The following ADAMTSL3 variants were observed in gnomAD, a reference collection of about 807,000 sequenced individuals.
ADAMTSL3 encodes the protein ADAMTS-like protein 3.
Under a neutral mutation model 201.7 loss-of-function variants are expected in ADAMTSL3, and 128 were observed. The observed-to-expected ratio is 0.63, with a 90% CI of 0.55 to 0.73. ADAMTSL3 has a LOEUF of 0.73. Ranked by LOEUF, ADAMTSL3 falls within the 30% of genes least tolerant of loss-of-function variation. ADAMTSL3 has a pLI of 0.00. For synonymous variants in ADAMTSL3, 738 were observed against 748.4 expected (o/e 0.99, Z 0.23); for missense variants, 1,990 against 2,119.6 (o/e 0.94, Z 1.20).
At chr15:83,828,009 T>A (rs2064064104) in intron 6 of ADAMTSL3, among the ~76,000 whole-genome samples, 1 of 152,212 alleles carries the variant, frequency 6.6e-6, no homozygotes, top group Non-Finnish European at 1.5e-5. Context: ...AGGCTCTTTT[T>A]TGGTTCCATA....
At chr15:83,655,651 C>A in intron 1 of ADAMTSL3, 78 bp from the exon 2 acceptor site, 1 of 1,050,590 alleles carries the variant, frequency 9.5e-7, no homozygotes, top group Non-Finnish European at 1.4e-6. Context: ...GTCCCTCCAT[C>A]TAATGGGTCG....
rs147187155 is a variant in ADAMTSL3, at chr15:83,817,863, T to C, written c.364-1948T>C. 5.5e-3 allele frequency among the ~76,000 whole-genome samples: 841 copies of C among 152,178 alleles called. 11 individuals carry two copies. Among genetic ancestry groups the C allele is most frequent in the African/African-American group, 0.019 (805 of 41,514 alleles). Reference sequence around the variant, plus strand: ...AAGTTTGAGACCAGCCTGGCCAACATGGTGAAACCCCATCTCTAATAAAAA... The same window carrying C: ...AAGTTTGAGACCAGCCTGGCCAACACGGTGAAACCCCATCTCTAATAAAAA... On this transcript the variant is annotated intron_variant, in intron 5 of 29. Transcript: ENST00000286744.
chr15:84,025,742 C>T (rs2068293900), intron 27 of ADAMTSL3, among the ~76,000 whole-genome samples: 1 of 152,124 alleles, frequency 6.6e-6, no homozygotes, highest in African/African-American at 2.4e-5. Context: ...AGGAGGGGAA[C>T]ATTAGTGGTA....
In ADAMTSL3 at chr15:83,942,605, G is replaced by C; in HGVS notation, c.2127G>C (p.Val709=). The C allele has an allele frequency of 6.2e-7, 1 of 1,612,544 alleles. No homozygotes were observed. ...NTEPCPPRWH[V]GSWGPCSATC... ...TTGTTTTCTGTTTTAGGTGGCATGTGGGCTCTTGGGGGCCCTGCTCAGCTA... is the reference window on the plus strand; with the variant it reads ...TTGTTTTCTGTTTTAGGTGGCATGTCGGCTCTTGGGGGCCCTGCTCAGCTA... Residue 709 remains valine, a synonymous_variant, in exon 18 of 30, where the codon GTG becomes GTC. Coordinates refer to ENST00000286744, the MANE Select transcript of ADAMTSL3 (RefSeq NM_207517.3).
chr15:83,910,244 G>A (rs2065907138), intron 15 of ADAMTSL3, among the ~76,000 whole-genome samples: 1 of 151,678 alleles, frequency 6.6e-6, no homozygotes, highest in Non-Finnish European at 1.5e-5. Context: ...TCTTCCATGT[G>A]CAAAGACGTA....
At chr15:83,814,150 C>A (rs2063736891) in intron 5 of ADAMTSL3, among the ~76,000 whole-genome samples, 1 of 152,100 alleles carries the variant, frequency 6.6e-6, no homozygotes, top group Admixed American at 6.6e-5. Context: ...ATCCCTCATA[C>A]CTGGATCCTA....
At chr15:83,869,812 A>G (rs2141824746) in intron 8 of ADAMTSL3, among the ~76,000 whole-genome samples, 1 of 152,296 alleles carries the variant, frequency 6.6e-6, no homozygotes, top group South Asian at 2.1e-4. Context: ...ATAGAGCTGG[A>G]CCTGAGAGAT....
chr15:83,811,656 G>A lies in ADAMTSL3; in HGVS notation c.363+6961G>A, dbSNP rs536552719. On this transcript the variant is annotated intron_variant, in intron 5 of 29. Coordinates refer to ENST00000286744, the MANE Select transcript of ADAMTSL3 (RefSeq NM_207517.3). ...ATTTATGGTCCCTCTGGGAGAATGC[G>A]GCAGAAATGTTTCTAGGTTGGTAAG... is the stretch of plus-strand genomic sequence containing the variant. Among the ~76,000 whole-genome samples, 7 of 152,266 alleles carry A rather than the reference G, an allele frequency of 4.6e-5. 1 individual carries two copies. Among genetic ancestry groups the A allele is most frequent in the Admixed American group, 2.6e-4 (4 of 15,286 alleles).
At chr15:83,663,892 A>G (rs991905007) in intron 2 of ADAMTSL3, among the ~76,000 whole-genome samples, 1 of 151,860 alleles carries the variant, frequency 6.6e-6, no homozygotes, top group Non-Finnish European at 1.5e-5. Flanking sequence ...TGATCCCGGC[A>G]CTCCTTTTTC....
In ADAMTSL3 at chr15:83,892,814, G is replaced by T; in HGVS notation, c.1393G>T (p.Ala465Ser). 6.2e-7 allele frequency: 1 copy of T among 1,614,046 alleles called. No individual in the cohort carries two copies. The highest frequency in any genetic ancestry group is 8.5e-7 in the Non-Finnish European group (1 of 1,179,994). ...LQVEEWKCMY[A>S]PKPKVMQTCN... ...GGTGGAAGAATGGAAGTGCATGTAC[G>T]CACCCAAACCCAAGGTTATGCAAAC... is the stretch of plus-strand genomic sequence containing the variant. Residue 465 changes from alanine to serine, a missense_variant, in exon 13 of 30, where the codon GCA (alanine) becomes TCA (serine). Physicochemically the swap from Ala to Ser is moderately conservative, Grantham distance 99 (BLOSUM62 1). Coordinates refer to ENST00000286744, the MANE Select transcript of ADAMTSL3 (RefSeq NM_207517.3).
intron 2 of ADAMTSL3, among the ~76,000 whole-genome samples, chr15:83,700,796 A>C (rs1489644834): frequency 6.6e-6 from 1 of 152,166 alleles, no homozygotes; most frequent in African/African-American, 2.4e-5. Context: ...TAAAGTGATG[A>C]TTGAAGCCAG....
intron 19 of ADAMTSL3, among the ~76,000 whole-genome samples, chr15:83,956,679 G>GCA (rs34711242): frequency 0.057 from 8,536 of 148,810 alleles, 600 homozygotes; most frequent in African/African-American, 0.18. Context: ...CACCGCACAG[G>GCA]CACACACACA....
chr15:83,864,146 A>G (rs1402411243), intron 8 of ADAMTSL3, among the ~76,000 whole-genome samples: 1 of 152,240 alleles, frequency 6.6e-6, no homozygotes, highest in Non-Finnish European at 1.5e-5. Context: ...AAAAAAGTCC[A>G]GGACCAGATG....
chr15:83,711,625 G>A (rs929887375), intron 3 of ADAMTSL3, among the ~76,000 whole-genome samples: 1 of 152,236 alleles, frequency 6.6e-6, no homozygotes, highest in African/African-American at 2.4e-5. Flanking sequence ...GAGAAGACAA[G>A]AACAAATTAG....
chr15:83,979,810 C>G (rs2067352419), intron 20 of ADAMTSL3, among the ~76,000 whole-genome samples: 2 of 152,220 alleles, frequency 1.3e-5, no homozygotes, highest in Non-Finnish European at 2.9e-5. Flanking sequence ...TTTCCCTTCC[C>G]TCTTGACCAG....
At chr15:83,858,662 A>C in intron 7 of ADAMTSL3, 104 bp from the exon 8 acceptor site, 1 of 833,560 alleles carries the variant, frequency 1.2e-6, no homozygotes, top group Admixed American at 2.4e-5. Flanking sequence ...AATGAAATAT[A>C]GTTAAGAATA....
chr15:83,941,079 A>T (rs2066549471), intron 17 of ADAMTSL3, among the ~76,000 whole-genome samples: 1 of 151,450 alleles, frequency 6.6e-6, no homozygotes, highest in Admixed American at 6.6e-5. Context: ...AAATTTTTTA[A>T]TTTTTTTTGT....
At chr15:83,765,817 G>C (rs141623049) in intron 3 of ADAMTSL3, among the ~76,000 whole-genome samples, 1 of 152,228 alleles carries the variant, frequency 6.6e-6, no homozygotes, top group East Asian at 1.9e-4. Context: ...AGTGCATACT[G>C]CTTCTTTGGA....
chr15:83,809,671 T>C (rs1380313201), intron 5 of ADAMTSL3, among the ~76,000 whole-genome samples: 1 of 152,216 alleles, frequency 6.6e-6, no homozygotes, highest in African/African-American at 2.4e-5. Flanking sequence ...TGACATTTTA[T>C]GTGTTTATTA....
Sources: gnomAD v4.1 joint callset for allele counts (sites outside exome capture counted in the v4.1 genomes callset) on GRCh38, gnomAD v4.1.1 for gene constraint, MANE v1.5 for transcripts, NCBI Gene and HGNC (gene_info 2026-07-23, HGNC 2026-07-21) for gene names.